COL2A1: variants seen among roughly 807,000 people sequenced by gnomAD.
The protein encoded by COL2A1 is collagen alpha-1(II) chain.
A neutral mutation model predicts 204.5 loss-of-function variants in COL2A1; 28 were observed. That is an observed-to-expected ratio of 0.14 (90% CI 0.10 to 0.19). COL2A1 has a LOEUF of 0.19. COL2A1 is among the 10% of genes least tolerant of loss of function. The pLI is 1.00. For synonymous variants in COL2A1, 708 were observed against 718.7 expected (o/e 0.99, Z 0.24); for missense variants, 1,388 against 2,027.5 (o/e 0.68, Z 6.06).
intron 21 of COL2A1, 49 bp from the exon 22 acceptor site, chr12:47,986,937 G>A: frequency 6.2e-7 from 1 of 1,608,882 alleles, no homozygotes; most frequent in African/African-American, 1.3e-5. Context: ...CAGGGAGCCT[G>A]CCCCTCCCCA....
chr12:47,983,583 T>A, intron 30 of COL2A1, 100 bp downstream of exon 30: 1 of 1,460,292 alleles, frequency 6.8e-7, no homozygotes, highest in Non-Finnish European at 9.4e-7. Flanking sequence ...CCTGGCACCC[T>A]GCAAGAGGTG....
chr12:47,975,549 G>A lies in COL2A1; in HGVS notation c.3654C>T (p.Ile1218=), dbSNP rs780783419. ...CTAAGCCAGCAAAGGCGGACATGTC[G>A]ATGCCAGGGCCAGGGGGACCTGGAG... ...PGPPGPPGPG[I]DMSAFAGLGP... is the part of the protein sequence containing the mutation. The change falls in exon 51 of 54, where the codon ATC becomes ATT. Residue 1218 remains isoleucine, a synonymous_variant. Coordinates refer to ENST00000380518, the MANE Select transcript of COL2A1 (RefSeq NM_001844.5). 9.3e-6 allele frequency: 15 copies of A among 1,604,948 alleles called. No homozygotes were observed. Among genetic ancestry groups the A allele is most frequent in the Admixed American group, 1.7e-5 (1 of 59,998 alleles).
intron 34 of COL2A1, 64 bp downstream of exon 34, chr12:47,982,438 T>A (rs2136548357): frequency 1.5e-6 from 2 of 1,375,882 alleles, no homozygotes; most frequent in Non-Finnish European, 2.1e-6. Flanking sequence ...ACGGAAGCGA[T>A]CACAAGGGGC....
At position 47,989,762 on chromosome 12, in the gene COL2A1, G is replaced by A. The variant is rs184529965; in HGVS notation, c.1067C>T (p.Pro356Leu). The A allele has an allele frequency of 2.4e-5, 38 of 1,613,362 alleles. No homozygotes were observed. Among genetic ancestry groups the A allele is most frequent in the Admixed American group, 1.2e-4 (7 of 60,032 alleles). ...CTGCTGAGGATGAAATGAACTTACCGGAGGCCCTGCGGGGCCTGGCTGACC... is the reference window on the plus strand; with the variant it reads ...CTGCTGAGGATGAAATGAACTTACCAGAGGCCCTGCGGGGCCTGGCTGACC... The part of the protein sequence containing the change: ...NDGQPGPAGP[P>L]GPVGPAGGPG... The change falls in exon 17 of 54, where the codon CCG becomes CTG. Residue 356 changes from proline (P) to leucine (L), a missense_variant and splice_region_variant. Pro to Leu is a moderately conservative substitution (Grantham distance 98). Transcript: ENST00000380518.
At chr12:47,991,626 G>A (rs1939713089) in intron 16 of COL2A1, among the ~76,000 whole-genome samples, 1 of 152,166 alleles carries the variant, frequency 6.6e-6, no homozygotes, top group Admixed American at 6.5e-5. Flanking sequence ...TCCTACACAC[G>A]CTGCCAGCCT....
At chr12:47,986,690 G>A (rs1939437198) in intron 22 of COL2A1, 145 bp downstream of exon 22, 2 of 991,030 alleles carry the variant, frequency 2.0e-6, no homozygotes, top group East Asian at 2.4e-5. Context: ...TCTCAGCCCT[G>A]TTAAGTCTCC....
At chr12:47,998,680 AAAAG>A in intron 2 of COL2A1, 1 of 526,060 alleles carries the variant, frequency 1.9e-6, no homozygotes, top group Non-Finnish European at 3.4e-6. Flanking sequence ...GGCAGCATGC[AAAAG>A]AAAGGAGCAA....
Position 47,987,244 on chromosome 12 carries a change from AG to A in COL2A1, c.1266+24del, listed in dbSNP as rs762308132. The A allele has an allele frequency of 6.2e-7, 1 of 1,613,990 alleles. No homozygotes were observed. On this transcript the variant is annotated intron_variant, in intron 20 of 53. Transcript: ENST00000380518. This position sits in a 1 kb window ranked among gnomAD's most constrained non-coding sequence, Gnocchi z 4.1. ...AGGCAGGACTGGGCTCTCCTGGGGT[AG>A]CAAAGTCCACGGGCAACACTCACAG...
intron 2 of COL2A1, chr12:47,998,945 A>G (rs965717736): frequency 6.3e-6 from 1 of 157,924 alleles, no homozygotes; most frequent in African/African-American, 2.4e-5. Flanking sequence ...AGCCTGTGCC[A>G]TCCCCAGTCA....
Position 47,978,906 on chromosome 12 carries a change from A to G in COL2A1, c.2734-148T>C, listed in dbSNP as rs1241700437. On this transcript the variant is annotated intron_variant, in intron 41 of 53. Coordinates refer to ENST00000380518, the MANE Select transcript of COL2A1 (RefSeq NM_001844.5). This position sits in a 1 kb window ranked among gnomAD's most constrained non-coding sequence, Gnocchi z 5.5. ...AAGGGCAGGCAGCTTAACCCCCCCAACCCCAATCTACCGCTGCAACCTTCT... is the reference window on the plus strand; with the variant it reads ...AAGGGCAGGCAGCTTAACCCCCCCAGCCCCAATCTACCGCTGCAACCTTCT... 1.2e-5 allele frequency: 9 copies of G among 770,602 alleles called. No individual in the cohort carries two copies. The East Asian group carries it at 1.6e-4, about 14-fold the overall frequency. The allele number at this position is 770,602 out of a possible 1,614,324, so 47.7% of individuals were successfully genotyped here.
chr12:48,003,174 C>T (rs1592242690), intron 1 of COL2A1: 1 of 152,342 alleles, frequency 6.6e-6, no homozygotes, highest in South Asian at 2.1e-4. Context: ...GACAGTGGAC[C>T]TTACCAAAGG....
intron 23 of COL2A1, 142 bp from the exon 24 acceptor site, chr12:47,986,107 T>C (rs2136569588): frequency 1.1e-6 from 1 of 887,832 alleles, no homozygotes; most frequent in South Asian, 1.4e-5. Flanking sequence ...GAGGTTAACT[T>C]CTGGAGCCTG....
At position 47,978,273 on chromosome 12, in the gene COL2A1, G is replaced by A. The variant is rs1200253325; in HGVS notation, c.3003+18C>T. ...GCAGGGCCCAGCTTGGATGGAGGGA[G>A]GGATACCCCACACTCACCGACGGGC... On this transcript the variant is annotated intron_variant, in intron 43 of 53. Coordinates refer to ENST00000380518, the MANE Select transcript of COL2A1 (RefSeq NM_001844.5). This position sits in a 1 kb window ranked among gnomAD's most constrained non-coding sequence, Gnocchi z 5.5. 2 of 1,612,910 alleles carry A rather than the reference G, an allele frequency of 1.2e-6. No individual in the cohort carries two copies. The highest frequency in any genetic ancestry group is 1.3e-5 in the African/African-American group (1 of 74,922).
rs1592229830 is a variant in COL2A1 at position 47,993,877 on chromosome 12, A to C, written c.871-15T>G. On this transcript the variant is annotated splice_polypyrimidine_tract_variant and intron_variant, in intron 13 of 53. Coordinates refer to ENST00000380518, the MANE Select transcript of COL2A1 (RefSeq NM_001844.5). ...CCTGGATAACCCTAGGGAACAAGAG[A>C]AAATGTTCAATCAGACTTCTGGGAA... is the stretch of plus-strand genomic sequence containing the variant. 8 of 1,614,164 alleles carry C rather than the reference A, an allele frequency of 5.0e-6. No individual in the cohort carries two copies. The highest frequency in any genetic ancestry group is 1.6e-4 in the Middle Eastern group (1 of 6,062).
rs567072304 is a variant in COL2A1 at position 47,980,792 on chromosome 12, G to A, written c.2517+123C>T. ...TGGACATGATGGTTCTATTAGTATG[G>A]AGGCGGGAAAGGAGAGGAGAGGAGC... On this transcript the variant is annotated intron_variant, in intron 38 of 53. Transcript: ENST00000380518. This position sits in a 1 kb window ranked among gnomAD's most constrained non-coding sequence, Gnocchi z 4.5. 6.4e-6 allele frequency: 9 copies of A among 1,398,260 alleles called. No individual in the cohort carries two copies. In the African/African-American group the frequency reaches 1.0e-4, roughly 16 times the overall value. The allele number at this position is 1,398,260 out of a possible 1,614,324, so 86.6% of individuals were successfully genotyped here. A position where few individuals can be genotyped will look rare whatever the true frequency, so the allele number is the denominator to read the frequency against.
Position 47,976,056 on chromosome 12 carries a change from G to T in COL2A1, c.3504C>A (p.Pro1168=). Residue 1168 remains proline, a synonymous_variant, in exon 50 of 54, where the codon CCC becomes CCA. Coordinates refer to ENST00000380518, the MANE Select transcript of COL2A1 (RefSeq NM_001844.5). This position sits in a 1 kb window ranked among gnomAD's most constrained non-coding sequence, Gnocchi z 4.3. ...CACCATCTTTGCCAGAGGGACCGAC[G>T]GGGCCAGGAGGACCCTGCAAGAGAG... ...GPSGPRGPPG[P]VGPSGKDGAN... is the part of the protein sequence containing the mutation. 1.2e-6 allele frequency: 2 copies of T among 1,612,290 alleles called. No homozygotes were observed. The highest frequency in any genetic ancestry group is 1.7e-6 in the Non-Finnish European group (2 of 1,178,458).
chr12:47,994,598 C>G, intron 11 of COL2A1, 121 bp from the exon 12 acceptor site: 1 of 991,558 alleles, frequency 1.0e-6, no homozygotes, highest in Non-Finnish European at 1.6e-6. Context: ...CACTCATCTC[C>G]CTCACCTCCT....
intron 16 of COL2A1, among the ~76,000 whole-genome samples, chr12:47,990,696 G>A (rs1035430939): frequency 7.2e-5 from 11 of 152,220 alleles, no homozygotes; most frequent in African/African-American, 2.7e-4. Flanking sequence ...AGCCCTAAGA[G>A]GCTTTTGCTT....
intron 6 of COL2A1, 25 bp from the exon 7 acceptor site, chr12:47,997,732 C>CAATG: frequency 6.2e-7 from 1 of 1,614,120 alleles, no homozygotes; most frequent in Non-Finnish European, 8.5e-7. Flanking sequence ...AAAAAGGCAT[C>CAATG]AATGGGAAGC....
Sources: allele counts gnomAD v4.1 joint callset (sites outside exome capture counted in the v4.1 genomes callset), GRCh38; gene constraint gnomAD v4.1.1; non-coding constraint Gnocchi (gnomAD v3.1); transcripts MANE v1.5; gene names NCBI Gene and HGNC (gene_info 2026-07-23, HGNC 2026-07-21).